Variants in NCOA2 observed in about 807,000 individuals in gnomAD.
NCOA2 encodes nuclear receptor coactivator 2, also known as class E basic helix-loop-helix protein 75.
In NCOA2, 21 loss-of-function variants were observed where a neutral mutation model predicts 145.1. The observed-to-expected ratio is 0.14, with a 90% CI of 0.10 to 0.21. The LOEUF is 0.21. Among genes scored for constraint, NCOA2 ranks in the 10% least tolerant of loss-of-function variants. The pLI, the probability that NCOA2 is intolerant of heterozygous loss-of-function variation, is 1.00. For synonymous variants in NCOA2, 619 were observed against 637.5 expected, an observed-to-expected ratio of 0.97 and a Z score of 0.44; for missense variants, 1,472 against 1,837.6, an observed-to-expected ratio of 0.80 and a Z score of 3.64.
At chr8:70,193,232 C>T (rs1306925796) in intron 4 of NCOA2, among the ~76,000 whole-genome samples, 2 of 152,072 alleles carry the variant, frequency 1.3e-5, no homozygotes, top group Non-Finnish European at 1.5e-5. Context: ...GAACTTCTCT[C>T]GTTAGATGCA....
At chr8:70,355,396 G>A (rs182079715) in intron 1 of NCOA2, among the ~76,000 whole-genome samples, 99 of 152,264 alleles carry the variant, frequency 6.5e-4, no homozygotes, top group African/African-American at 2.3e-3. Context: ...GCCTACATGT[G>A]CCAGACACTA....
intron 1 of NCOA2, among the ~76,000 whole-genome samples, chr8:70,310,625 C>A (rs1414909517): frequency 1.3e-5 from 2 of 151,908 alleles, no homozygotes; most frequent in Non-Finnish European, 2.9e-5. Flanking sequence ...CATAGTAGAC[C>A]TCTTCTATTT....
At chr8:70,418,268 C>A in the NCOA2 span, among the ~76,000 whole-genome samples, 1 of 152,168 alleles carries the variant, frequency 6.6e-6, no homozygotes, top group African/African-American at 2.4e-5. Context: ...CTTCAAAAGG[C>A]CATTCCACTG....
rs6983366 is a variant in NCOA2, at chr8:70,184,445, C to T, written c.260-9586G>A. On this transcript the variant is annotated intron_variant, in intron 4 of 22. Coordinates refer to ENST00000452400, the MANE Select transcript of NCOA2 (RefSeq NM_006540.4). ...GGGGAGCCAGGATAAAAGAGCACTTCATCAGGTTTCTTGTCCCTCCCACGC... is the reference window on the plus strand; with the variant it reads ...GGGGAGCCAGGATAAAAGAGCACTTTATCAGGTTTCTTGTCCCTCCCACGC... Among the ~76,000 whole-genome samples, 530 of 152,258 alleles carry T rather than the reference C, an allele frequency of 3.5e-3. 3 individuals carry two copies. Among genetic ancestry groups the T allele is most frequent in the African/African-American group, 0.012 (509 of 41,564 alleles).
At chr8:70,385,439 T>TA (rs1176294500) in intron 1 of NCOA2, among the ~76,000 whole-genome samples, 1 of 152,236 alleles carries the variant, frequency 6.6e-6, no homozygotes, top group Non-Finnish European at 1.5e-5. Flanking sequence ...AATTTTATTT[T>TA]ATTTTTTGAA....
chr8:70,294,354 T>A (rs904944280), intron 2 of NCOA2, among the ~76,000 whole-genome samples: 2 of 152,148 alleles, frequency 1.3e-5, no homozygotes, highest in African/African-American at 4.8e-5. Flanking sequence ...AATCTAAAAT[T>A]TCTAATATTG....
chr8:70,172,805 CTT>C (rs1725967696), intron 5 of NCOA2, among the ~76,000 whole-genome samples: 1 of 152,282 alleles, frequency 6.6e-6, no homozygotes, highest in African/African-American at 2.4e-5. Flanking sequence ...AAAAGACTGA[CTT>C]GAGGTATAAT....
chr8:70,403,941 G>A (rs1283739408), upstream of NCOA2: 1 of 376,526 alleles, frequency 2.7e-6, no homozygotes, highest in Non-Finnish European at 4.7e-6. Flanking sequence ...GGGGGCTCGG[G>A]AGCCAGGCCG....
In NCOA2 at chr8:70,398,861, G is replaced by T. The variant is rs185312173; in HGVS notation, c.-77+4839C>A. On this transcript the variant is annotated intron_variant, in intron 1 of 22. Transcript: ENST00000452400. ...ACAGCCATGGGGACCCAGAAATGTGGTCATTGATCAACATTTCATAGAGTA... is the reference window on the plus strand; with the variant it reads ...ACAGCCATGGGGACCCAGAAATGTGTTCATTGATCAACATTTCATAGAGTA... Among the ~76,000 whole-genome samples the T allele has an allele frequency of 1.1e-3, 163 of 152,264 alleles. 1 individual carries two copies. Among genetic ancestry groups the T allele is most frequent in the African/African-American group, 3.8e-3 (156 of 41,540 alleles).
rs1806450602 is a variant in NCOA2 at position 70,110,537 on chromosome 8, A to G, written c.*3095T>C. On this transcript the variant is annotated 3_prime_UTR_variant, in exon 23 of 23. Coordinates refer to ENST00000452400, the MANE Select transcript of NCOA2 (RefSeq NM_006540.4). ...CAGCATACCACCATACAAACACTAG[A>G]AAATTTTAAATTCACACCAACAATT... 1 of 203,852 alleles carries G rather than the reference A, an allele frequency of 4.9e-6. No individual in the cohort carries two copies. Among genetic ancestry groups the G allele is most frequent in the African/African-American group, 2.3e-5 (1 of 43,776 alleles). 12.6% of individuals were successfully genotyped at this position (203,852 alleles called of 1,614,324 possible).
intron 2 of NCOA2, among the ~76,000 whole-genome samples, chr8:70,265,102 T>C (rs1563697967): frequency 6.6e-6 from 1 of 152,170 alleles, no homozygotes; most frequent in Non-Finnish European, 1.5e-5. Context: ...TATTCATAAA[T>C]TGAAGTCCTG....
intron 2 of NCOA2, among the ~76,000 whole-genome samples, chr8:70,222,081 T>C (rs1820187034): frequency 6.6e-6 from 1 of 152,182 alleles, no homozygotes; most frequent in African/African-American, 2.4e-5. Flanking sequence ...AGTCTGTATC[T>C]ACAGATTAAT....
chr8:70,156,616 T>C lies in NCOA2; in HGVS notation c.1749A>G (p.Lys583=), dbSNP rs755456225. 7 of 1,613,858 alleles carry C rather than the reference T, an allele frequency of 4.3e-6. No homozygotes were observed. Among genetic ancestry groups the C allele is most frequent in the African/African-American group, 1.3e-5 (1 of 74,910 alleles). Residue 583 remains lysine (K), a synonymous_variant, in exon 11 of 23, where the codon AAA becomes AAG. Coordinates refer to ENST00000452400, the MANE Select transcript of NCOA2 (RefSeq NM_006540.4). The part of the protein sequence containing the change: ...PLSKMGSLDS[K]DCFGLYGEPS... ...GCTCCCCATATAGTCCAAAACAGTC[T>C]TTTGAGTCCAAGCTTCCCATCTTGC...
chr8:70,306,035 T>C (rs1444650311), intron 1 of NCOA2, among the ~76,000 whole-genome samples: 15 of 152,190 alleles, frequency 9.9e-5, no homozygotes, highest in Non-Finnish European at 1.5e-5. Context: ...TGTGAGACTA[T>C]ATAGAGTTTT....
At chr8:70,290,261 T>C (rs949477356) in intron 2 of NCOA2, among the ~76,000 whole-genome samples, 3 of 149,310 alleles carry the variant, frequency 2.0e-5, no homozygotes, top group African/African-American at 7.5e-5. Context: ...ATTTCTCGGC[T>C]CACTACCAGC....
the NCOA2 span, among the ~76,000 whole-genome samples, chr8:70,454,174 T>C: frequency 0.02 from 3,081 of 152,298 alleles, 111 homozygotes; most frequent in African/African-American, 0.07. Context: ...TCTTAGCATT[T>C]ATGGTAACAG....
intron 1 of NCOA2, among the ~76,000 whole-genome samples, chr8:70,391,638 C>G (rs1370976663): frequency 6.6e-6 from 1 of 152,166 alleles, no homozygotes; most frequent in Non-Finnish European, 1.5e-5. Context: ...AGTCTGACAC[C>G]CCAAAATTGA....
At chr8:70,377,702 A>C (rs1280895450) in intron 1 of NCOA2, among the ~76,000 whole-genome samples, 1 of 152,184 alleles carries the variant, frequency 6.6e-6, no homozygotes, top group Non-Finnish European at 1.5e-5. Flanking sequence ...AAATGGAAAT[A>C]TGTAAATTAG....
intron 4 of NCOA2, among the ~76,000 whole-genome samples, chr8:70,177,251 G>C (rs903986291): frequency 6.6e-6 from 1 of 152,204 alleles, no homozygotes; most frequent in South Asian, 2.1e-4. Context: ...TGAAAGGTCT[G>C]CTTTGCTGAG....
Sources: gnomAD v4.1 joint callset for allele counts (sites outside exome capture counted in the v4.1 genomes callset) on GRCh38, gnomAD v4.1.1 for gene constraint, MANE v1.5 for transcripts, NCBI Gene and HGNC (gene_info 2026-07-23, HGNC 2026-07-21) for gene names.